The following ENTPD7 variants were observed in gnomAD, a reference collection of about 807,000 sequenced individuals.
The protein encoded by ENTPD7 is ectonucleoside triphosphate diphosphohydrolase 7.
ENTPD7 carries 53 observed loss-of-function variants against 77.9 expected under a neutral mutation model. That is an observed-to-expected ratio of 0.68 (90% CI 0.55 to 0.85). The LOEUF is 0.85. Ranked by LOEUF, ENTPD7 falls within the 40% of genes least tolerant of loss-of-function variation. The probability of loss-of-function intolerance (pLI) is 0.00; values close to 1 mark genes in which losing one functional copy is unlikely to be tolerated. For missense variants in ENTPD7, 636 were observed against 743.7 expected (o/e 0.86, Z 1.68); for synonymous variants, 248 against 274.9 (o/e 0.90, Z 0.97).
In ENTPD7 at chr10:99,708,543, GA is replaced by G. The variant is rs1342224394; in HGVS notation, c.*3861del. Among the ~76,000 whole-genome samples, 1 of 152,126 alleles carries G rather than the reference GA, an allele frequency of 6.6e-6. No individual in the cohort carries two copies. Among genetic ancestry groups the G allele is most frequent in the Non-Finnish European group, 1.5e-5 (1 of 68,030 alleles). On this transcript the variant is annotated 3_prime_UTR_variant, in exon 13 of 13. Coordinates refer to ENST00000370489, the MANE Select transcript of ENTPD7 (RefSeq NM_020354.5). ...TCTATCAAACAAAGAGGCTAGACAA[GA>G]TTAGAAACTAAAGGCAGAAGACAAG... is the stretch of plus-strand genomic sequence containing the variant.
chr10:99,695,878 C>G lies in ENTPD7; in HGVS notation c.844-78C>G, dbSNP rs939464837. On this transcript the variant is annotated intron_variant, in intron 8 of 12. Transcript: ENST00000370489. ...AAGAGTAGTCATAGAAATGAAGCCT[C>G]GTGTATTAGCAATGTCATAGCTTTC... 3.0e-6 allele frequency: 4 copies of G among 1,346,374 alleles called. No individual in the cohort carries two copies. In the Admixed American group the frequency reaches 9.2e-5, roughly 31 times the overall value. 83.4% of individuals were successfully genotyped at this position (1,346,374 alleles called of 1,614,324 possible).
In ENTPD7 at chr10:99,696,066, C is replaced by T. The variant is rs768978614; in HGVS notation, c.954C>T (p.Asn318=). The part of the protein sequence containing the change: ...YVTTFLGFGG[N]FARQRYEDLV... ...CAACTTTTCTGGGTTTCGGAGGCAACTTTGCCCGGCAGCGCTACGAAGACC... is the reference window on the plus strand; with the variant it reads ...CAACTTTTCTGGGTTTCGGAGGCAATTTTGCCCGGCAGCGCTACGAAGACC... The change falls in exon 9 of 13, where the codon AAC becomes AAT. Residue 318 remains asparagine, a synonymous_variant. Coordinates refer to ENST00000370489, the MANE Select transcript of ENTPD7 (RefSeq NM_020354.5). 1.9e-5 allele frequency: 31 copies of T among 1,614,090 alleles called. 1 individual carries two copies. The South Asian group carries it at 3.4e-4, about 18-fold the overall frequency.
intron 10 of ENTPD7, 85 bp downstream of exon 10, chr10:99,698,943 G>A (rs1433485939): frequency 3.2e-6 from 4 of 1,253,996 alleles, no homozygotes; most frequent in African/African-American, 1.5e-5. Context: ...TGTGCAAAGG[G>A]CTTTGCATAC....
At position 99,708,687 on chromosome 10, in the gene ENTPD7, G is replaced by C. The variant is rs563201284; in HGVS notation, c.*4004G>C. Reference sequence around the variant, plus strand: ...CCTGATGATAAGGTTGGTGGGAACAGAGTTTCTAATAGTAATCATAATAAA... The same window carrying C: ...CCTGATGATAAGGTTGGTGGGAACACAGTTTCTAATAGTAATCATAATAAA... On this transcript the variant is annotated 3_prime_UTR_variant, in exon 13 of 13. Coordinates refer to ENST00000370489, the MANE Select transcript of ENTPD7 (RefSeq NM_020354.5). The C allele has an allele frequency of 7.9e-6, 3 of 380,444 alleles. No individual in the cohort carries two copies. The highest frequency in any genetic ancestry group is 2.1e-4 in the South Asian group (2 of 9,386). The allele number at this position is 380,444 out of a possible 1,614,324, so 23.6% of individuals were successfully genotyped here.
intron 3 of ENTPD7, among the ~76,000 whole-genome samples, chr10:99,677,506 A>G (rs1168539588): frequency 6.6e-6 from 1 of 151,714 alleles, no homozygotes; most frequent in Non-Finnish European, 1.5e-5. Flanking sequence ...CTGGGATTAC[A>G]GGCTCCCACC....
At chr10:99,676,763 A>G (rs1212170587) in intron 3 of ENTPD7, among the ~76,000 whole-genome samples, 4 of 152,178 alleles carry the variant, frequency 2.6e-5, no homozygotes, top group African/African-American at 9.7e-5. Context: ...ATATGTGGTG[A>G]AATGGAATCT....
Position 99,710,683 on chromosome 10 carries a change from A to G in ENTPD7, c.*6000A>G. On this transcript the variant is annotated 3_prime_UTR_variant, in exon 13 of 13. Coordinates refer to ENST00000370489, the MANE Select transcript of ENTPD7 (RefSeq NM_020354.5). ...GTATATGTGTTACATATGCTGATAT[A>G]TAACCCACCATTCATCCCAGGACCA... 2 of 985,382 alleles carry G rather than the reference A, an allele frequency of 2.0e-6. No homozygotes were observed. Among genetic ancestry groups the G allele is most frequent in the Non-Finnish European group, 2.4e-6 (2 of 829,858 alleles). 61.0% of individuals were successfully genotyped at this position (985,382 alleles called of 1,614,324 possible).
chr10:99,692,530 C>CTTTT (rs3047437), intron 8 of ENTPD7, among the ~76,000 whole-genome samples: 5 of 145,982 alleles, frequency 3.4e-5, no homozygotes, highest in African/African-American at 7.6e-5. Flanking sequence ...TGAGAGTAGG[C>CTTTT]TTTTTTTTTT....
Position 99,709,916 on chromosome 10 carries a change from T to A in ENTPD7, c.*5233T>A. On this transcript the variant is annotated 3_prime_UTR_variant, in exon 13 of 13. Transcript: ENST00000370489. ...AATCTGAGCAATACGGAGATCCTTT[T>A]ATTAGTAAAACTGAATCATTACTCA... 3.0e-6 allele frequency: 3 copies of A among 985,472 alleles called. No homozygotes were observed. Among genetic ancestry groups the A allele is most frequent in the Non-Finnish European group, 2.4e-6 (2 of 829,922 alleles). 61.0% of individuals were successfully genotyped at this position (985,472 alleles called of 1,614,324 possible).
chr10:99,667,897 A>C (rs1351100311), intron 3 of ENTPD7, among the ~76,000 whole-genome samples: 1 of 146,540 alleles, frequency 6.8e-6, no homozygotes, highest in African/African-American at 2.5e-5. Context: ...TTTATTACAT[A>C]GTCTAAAAAT....
In ENTPD7 at chr10:99,679,712, G is replaced by A. The variant is rs2035728064; in HGVS notation, c.398-13G>A. 6.2e-7 allele frequency: 1 copy of A among 1,601,788 alleles called. No homozygotes were observed. Among genetic ancestry groups the A allele is most frequent in the African/African-American group, 1.3e-5 (1 of 74,098 alleles). On this transcript the variant is annotated splice_polypyrimidine_tract_variant and intron_variant, in intron 4 of 12. Transcript: ENST00000370489. ...TAAAGAAAGTTTTGTCTGTTTGTTT[G>A]TTTTAACTTAAGGAATCTCTGCAAT... is the stretch of plus-strand genomic sequence containing the variant.
intron 10 of ENTPD7, 78 bp downstream of exon 10, chr10:99,698,936 G>C (rs1173701496): frequency 7.4e-7 from 1 of 1,349,444 alleles, no homozygotes; most frequent in Non-Finnish European, 1.0e-6. Flanking sequence ...CAGGTGCTGT[G>C]CAAAGGGCTT....
chr10:99,696,169 G>T, intron 9 of ENTPD7, 47 bp downstream of exon 9: 1 of 1,594,042 alleles, frequency 6.3e-7, no homozygotes, highest in Admixed American at 1.7e-5. Flanking sequence ...ATGTCAGGCT[G>T]CAGATATTAG....
chr10:99,663,331 C>T (rs890958091), intron 3 of ENTPD7, among the ~76,000 whole-genome samples: 7 of 152,000 alleles, frequency 4.6e-5, no homozygotes, highest in Admixed American at 1.3e-4. Context: ...TGTCTGCTGT[C>T]CTTTTAATCT....
At position 99,696,124 on chromosome 10, in the gene ENTPD7, T is replaced by C. The variant is rs2035970924; in HGVS notation, c.1010+2T>C. ...GAATGAAACTCTTAACAAAAACAGG[T>C]ACATTTGATATGGGATCTGAGTTTC... On this transcript the variant is annotated splice_donor_variant, in intron 9 of 12. Coordinates refer to ENST00000370489, the MANE Select transcript of ENTPD7 (RefSeq NM_020354.5). LOFTEE classifies it high-confidence loss of function. The C allele has an allele frequency of 6.2e-7, 1 of 1,612,824 alleles. No individual in the cohort carries two copies. The highest frequency in any genetic ancestry group is 8.5e-7 in the Non-Finnish European group (1 of 1,179,656).
At chr10:99,674,143 AG>A (rs1284406600) in intron 3 of ENTPD7, among the ~76,000 whole-genome samples, 25 of 152,238 alleles carry the variant, frequency 1.6e-4, no homozygotes, top group Admixed American at 3.9e-4. Flanking sequence ...GAGACAGGAG[AG>A]GGGAAGGAGT....
At chr10:99,660,364 GAATAC>G in intron 2 of ENTPD7, 2 of 1,161,482 alleles carry the variant, frequency 1.7e-6, no homozygotes, top group Non-Finnish European at 2.2e-6. Context: ...CTTCACAGAT[GAATAC>G]ACTTATCCAT....
At chr10:99,698,286 C>T (rs1017652103) in intron 9 of ENTPD7, among the ~76,000 whole-genome samples, 1 of 152,210 alleles carries the variant, frequency 6.6e-6, no homozygotes, top group African/African-American at 2.4e-5. Context: ...AATTTCACTA[C>T]AGACTAGGAA....
rs1362301314 is a variant in ENTPD7 at position 99,706,965 on chromosome 10, GA to G, written c.*2285del. The stretch of plus-strand genomic sequence containing the variant: ...ACGGAAGTAGTGGTTGGTCCAGTTT[GA>G]AAGCTCTTATTAGTATTCTTCATCC... On this transcript the variant is annotated 3_prime_UTR_variant, in exon 13 of 13. Transcript: ENST00000370489. Among the ~76,000 whole-genome samples the G allele has an allele frequency of 1.3e-5, 2 of 152,154 alleles. No homozygotes were observed. Among genetic ancestry groups the G allele is most frequent in the African/African-American group, 4.8e-5 (2 of 41,444 alleles).
Sources: allele counts gnomAD v4.1 joint callset (sites outside exome capture counted in the v4.1 genomes callset), GRCh38; gene constraint gnomAD v4.1.1; transcripts MANE v1.5; gene names NCBI Gene and HGNC (gene_info 2026-07-23, HGNC 2026-07-21).